The following ARHGAP21 variants were observed in gnomAD, a reference collection of about 807,000 sequenced individuals.
ARHGAP21 encodes the protein Rho GTPase activating protein 21, also known as rho GTPase-activating protein 21.
A neutral mutation model predicts 164.6 loss-of-function variants in ARHGAP21; 38 were observed. The observed-to-expected ratio is 0.23, with a 90% CI of 0.18 to 0.30. The LOEUF (loss-of-function observed/expected upper bound fraction) is 0.30. Among genes scored for constraint, ARHGAP21 ranks in the 10% least tolerant of loss-of-function variants. The pLI is 1.00. For missense variants in ARHGAP21, 1,822 were observed against 2,370.7 expected (o/e 0.77, Z 4.81); for synonymous variants, 766 against 857.9 (o/e 0.89, Z 1.87).
At chr10:24,678,359 T>C (rs1841472776) in intron 2 of ARHGAP21, among the ~76,000 whole-genome samples, 1 of 152,158 alleles carries the variant, frequency 6.6e-6, no homozygotes, top group Admixed American at 6.6e-5. Context: ...TACAGAAGTG[T>C]CGCATCCCCA....
chr10:24,592,122 G>T, intron 21 of ARHGAP21, 110 bp from the exon 22 acceptor site: 23 of 820,694 alleles, frequency 2.8e-5, no homozygotes, highest in South Asian at 1.4e-4. Context: ...AAATAGCTTT[G>T]ATGTAGATTA....
At chr10:24,630,408 G>T (rs989393559) in intron 6 of ARHGAP21, among the ~76,000 whole-genome samples, 1 of 152,078 alleles carries the variant, frequency 6.6e-6, no homozygotes, top group African/African-American at 2.4e-5. Context: ...TTTTATTCAA[G>T]TCACAAAACA....
chr10:24,613,591 T>C (rs1222157223), intron 9 of ARHGAP21, among the ~76,000 whole-genome samples: 1 of 152,324 alleles, frequency 6.6e-6, no homozygotes, highest in East Asian at 1.9e-4. Context: ...GAAATGGTTT[T>C]ACAGTGGTTA....
rs182786466 is a variant in ARHGAP21, at chr10:24,677,876, C to A, written c.64-7479G>T. 3.9e-5 allele frequency among the ~76,000 whole-genome samples: 6 copies of A among 152,246 alleles called. No individual in the cohort carries two copies. The East Asian group carries it at 9.6e-4, about 24-fold the overall frequency. On this transcript the variant is annotated intron_variant, in intron 2 of 25. Coordinates refer to ENST00000396432, the MANE Select transcript of ARHGAP21 (RefSeq NM_020824.4). Reference sequence around the variant, plus strand: ...CCAACCTTGTTCCACAGAGTAGATACACGGATGAATAAAATAGTCATTAAA... The same window carrying A: ...CCAACCTTGTTCCACAGAGTAGATAAACGGATGAATAAAATAGTCATTAAA...
chr10:24,655,112 A>G (rs1299222319), intron 4 of ARHGAP21, among the ~76,000 whole-genome samples: 1 of 152,270 alleles, frequency 6.6e-6, no homozygotes, highest in African/African-American at 2.4e-5. Flanking sequence ...CTTATACAAA[A>G]ATTAATTCAA....
At chr10:24,703,610 T>C (rs1375087370) in intron 2 of ARHGAP21, among the ~76,000 whole-genome samples, 1 of 152,152 alleles carries the variant, frequency 6.6e-6, no homozygotes. Context: ...TAATAAGTAA[T>C]GTTACCTTGC....
rs773134554 is a variant in ARHGAP21, at chr10:24,620,890, G to A, written c.1005C>T (p.Gly335=). The change falls in exon 9 of 26, where the codon GGC becomes GGT. Residue 335 remains glycine, a synonymous_variant. Transcript: ENST00000396432. ...PTTHLIHQPA[G]SRSLEPSGIL... is the part of the protein sequence containing the mutation. ...TTCCAGAAGGTTCCAGTGATCTGGA[G>A]CCTGCAGGCTGATGAATTAGATGAG... is the stretch of plus-strand genomic sequence containing the variant. 6.2e-7 allele frequency: 1 copy of A among 1,613,804 alleles called. No homozygotes were observed. The highest frequency in any genetic ancestry group is 1.3e-5 in the African/African-American group (1 of 74,902).
Position 24,606,063 on chromosome 10 carries a change from CTT to C in ARHGAP21, c.2684+1434_2684+1435del, listed in dbSNP as rs574030338. Among the ~76,000 whole-genome samples, 176 of 152,076 alleles carry C rather than the reference CTT, an allele frequency of 1.2e-3. 1 individual carries two copies. Among genetic ancestry groups the C allele is most frequent in the African/African-American group, 3.8e-3 (158 of 41,514 alleles). ...GATATTAGAAAATGTAAAGTTGTCT[CTT>C]TATCTAATTTGAATAAATTAATTCC... On this transcript the variant is annotated intron_variant, in intron 11 of 25. Transcript: ENST00000396432.
intron 9 of ARHGAP21, among the ~76,000 whole-genome samples, chr10:24,614,655 C>A (rs1011314950): frequency 6.6e-6 from 1 of 151,258 alleles, no homozygotes; most frequent in African/African-American, 2.4e-5. Flanking sequence ...TGGTGGCACA[C>A]GCCTGTAATC....
chr10:24,600,977 C>A, intron 13 of ARHGAP21, 47 bp from the exon 14 acceptor site: 3 of 1,578,270 alleles, frequency 1.9e-6, no homozygotes, highest in Non-Finnish European at 2.6e-6. Context: ...TTGGCTAAAT[C>A]TTTGTGACAG....
At chr10:24,685,356 G>A (rs1036047312) in intron 2 of ARHGAP21, among the ~76,000 whole-genome samples, 4 of 152,112 alleles carry the variant, frequency 2.6e-5, no homozygotes, top group African/African-American at 7.2e-5. Flanking sequence ...AGTTTATAGT[G>A]TCATAAGCAT....
chr10:24,584,769 T>C lies in ARHGAP21; in HGVS notation c.5520A>G (p.Pro1840=), dbSNP rs750940500. 8.1e-6 allele frequency: 13 copies of C among 1,613,888 alleles called. No homozygotes were observed. Among genetic ancestry groups the C allele is most frequent in the Non-Finnish European group, 1.1e-5 (13 of 1,179,886 alleles). ...SELSAVNRLK[P]KCSAQDLSIS... is the part of the protein sequence containing the mutation. ...TGGAAAGGTCCTGGGCTGAGCATTT[T>C]GGTTTTAACCGGTTTACAGCTGAAA... The change falls in exon 26 of 26, where the codon CCA becomes CCG. Residue 1840 remains proline (P), a synonymous_variant. Transcript: ENST00000396432.
At chr10:24,677,133 T>C (rs561148519) in intron 2 of ARHGAP21, among the ~76,000 whole-genome samples, 1 of 152,188 alleles carries the variant, frequency 6.6e-6, no homozygotes, top group African/African-American at 2.4e-5. Context: ...GGAAGGAGAA[T>C]TGCTGGAACC....
chr10:24,669,860 T>A (rs1361643975), intron 3 of ARHGAP21, among the ~76,000 whole-genome samples: 2 of 152,232 alleles, frequency 1.3e-5, no homozygotes, highest in African/African-American at 4.8e-5. Flanking sequence ...ACTGCTAGAA[T>A]ATTTCAGTGA....
At chr10:24,607,315 A>G (rs2077069061) in intron 11 of ARHGAP21, 184 bp downstream of exon 11, 2 of 603,578 alleles carry the variant, frequency 3.3e-6, no homozygotes, top group African/African-American at 1.9e-5. Context: ...TTTTTCTACC[A>G]TGTTTGTGTG....
chr10:24,711,023 GGCAGAGGTT>G (rs1288848926), intron 2 of ARHGAP21, among the ~76,000 whole-genome samples: 1 of 148,286 alleles, frequency 6.7e-6, no homozygotes, highest in African/African-American at 2.5e-5. Context: ...GAACCTGAGA[GGCAGAGGTT>G]GCAGTGATCC....
chr10:24,678,225 G>A (rs1428382380), intron 2 of ARHGAP21, among the ~76,000 whole-genome samples: 1 of 152,176 alleles, frequency 6.6e-6, no homozygotes, highest in Non-Finnish European at 1.5e-5. Flanking sequence ...CCAGGTTACT[G>A]ACACAGATAC....
chr10:24,705,868 T>G (rs1340951400), intron 2 of ARHGAP21, among the ~76,000 whole-genome samples: 2 of 152,206 alleles, frequency 1.3e-5, no homozygotes, highest in African/African-American at 4.8e-5. Context: ...TGTACAATAT[T>G]ATCTACGATT....
chr10:24,603,082 G>A (rs1233631453), intron 12 of ARHGAP21, among the ~76,000 whole-genome samples: 1 of 152,160 alleles, frequency 6.6e-6, no homozygotes, highest in Non-Finnish European at 1.5e-5. Context: ...AGGAGGTCAA[G>A]GATAGCCATG....
Sources: gnomAD v4.1 joint callset for allele counts (sites outside exome capture counted in the v4.1 genomes callset) on GRCh38, gnomAD v4.1.1 for gene constraint, MANE v1.5 for transcripts, NCBI Gene and HGNC (gene_info 2026-07-23, HGNC 2026-07-21) for gene names.